ZNF74: variants seen among roughly 807,000 people sequenced by gnomAD.
ZNF74 encodes the protein zinc finger protein 74.
Under a neutral mutation model 17.7 loss-of-function variants are expected in ZNF74, and 12 were observed. The observed-to-expected ratio is 0.68, with a 90% confidence interval of 0.43 to 1.10. ZNF74 has a LOEUF of 1.10. Among genes scored for constraint, ZNF74 ranks in the 50% least tolerant of loss-of-function variants. The probability of loss-of-function intolerance (pLI) is 0.00; values close to 1 mark genes in which losing one functional copy is unlikely to be tolerated. For missense variants in ZNF74, 811 were observed against 881.0 expected, an observed-to-expected ratio of 0.92 and a Z score of 1.01; for synonymous variants, 358 against 362.1, an observed-to-expected ratio of 0.99 and a Z score of 0.13.
rs2052360339 is a variant in ZNF74 at position 20,401,759 on chromosome 22, C to CCAGCGT, written c.343+397_343+402dup. ...GTCAGCATGAGCATCAGCATCAGGG[C>CCAGCGT]CAGCGTCAGCGTCAGGGTCAGAGCC... On this transcript the variant is annotated intron_variant, in intron 4 of 4. Coordinates refer to ENST00000400451, the MANE Select transcript of ZNF74 (RefSeq NM_003426.4). The surrounding 1 kb of genome is among the most constrained non-coding windows in gnomAD (Gnocchi z 4.2). 6.6e-6 allele frequency among the ~76,000 whole-genome samples: 1 copy of CCAGCGT among 152,048 alleles called. No individual in the cohort carries two copies. Among genetic ancestry groups the CCAGCGT allele is most frequent in the Non-Finnish European group, 1.5e-5 (1 of 68,022 alleles).
chr22:20,400,506 CT>C, intron 2 of ZNF74, 125 bp from the exon 3 acceptor site: 2 of 1,195,258 alleles, frequency 1.7e-6, no homozygotes, highest in African/African-American at 3.0e-5. Flanking sequence ...ACAGCACAAC[CT>C]TCTGGCATGG....
At chr22:20,404,538 G>A (rs997800228) in intron 4 of ZNF74, among the ~76,000 whole-genome samples, 7 of 152,022 alleles carry the variant, frequency 4.6e-5, no homozygotes, top group Non-Finnish European at 7.4e-5. Flanking sequence ...TACCCAGGCT[G>A]GTCTTGATCT....
chr22:20,395,399 T>C lies in ZNF74; in HGVS notation c.101T>C (p.Leu34Pro). ...ENLEDISGWGLPEARSKESVS... is the reference protein window; with the variant it reads ...ENLEDISGWGPPEARSKESVS... ...CTCGAGGATATATCGGGTTGGGGTC[T>C]TCCCGAAGCCAGGTCCAAGGTGAGT... The change falls in exon 2 of 5, where the codon CTT becomes CCT. Residue 34 changes from leucine (L) to proline (P), a missense_variant. Transcript: ENST00000400451. The C allele has an allele frequency of 1.2e-6, 2 of 1,605,994 alleles. No homozygotes were observed. The highest frequency in any genetic ancestry group is 2.7e-5 in the African/African-American group (2 of 74,948).
intron 2 of ZNF74, chr22:20,400,312 A>T: frequency 3.4e-6 from 1 of 292,384 alleles, no homozygotes; most frequent in Non-Finnish European, 6.5e-6. Context: ...ATAGCATCTC[A>T]CCCAGGACTT....
rs1290513119 is a variant in ZNF74, at chr22:20,407,511, T to TCACAG, written c.*547_*551dup. The TCACAG allele has an allele frequency of 6.3e-6, 1 of 158,606 alleles. No individual in the cohort carries two copies. The highest frequency in any genetic ancestry group is 1.4e-5 in the Non-Finnish European group (1 of 71,916). The allele number at this position is 158,606 out of a possible 1,614,324, so 9.8% of individuals were successfully genotyped here. On this transcript the variant is annotated 3_prime_UTR_variant, in exon 5 of 5. Coordinates refer to ENST00000400451, the MANE Select transcript of ZNF74 (RefSeq NM_003426.4). Reference sequence around the variant, plus strand: ...GGTCAAGGCTGCAGTGAGCCATGATTCACAGCACTGCACTGCAGCCTGGGT... The same window carrying TCACAG: ...GGTCAAGGCTGCAGTGAGCCATGATTCACAGCACAGCACTGCACTGCAGCCTGGGT...
chr22:20,400,401 T>TG, intron 2 of ZNF74: 1 of 535,124 alleles, frequency 1.9e-6, no homozygotes, highest in Non-Finnish European at 3.4e-6. Context: ...TATTCAGACC[T>TG]GCTTTCCCAA....
intron 4 of ZNF74, 71 bp from the exon 5 acceptor site, chr22:20,405,306 C>T (rs2146100778): frequency 6.7e-7 from 1 of 1,484,750 alleles, no homozygotes; most frequent in Non-Finnish European, 9.1e-7. Flanking sequence ...CATCTCCAGG[C>T]CAATTCTCAA....
chr22:20,402,348 A>C (rs1464882407), intron 4 of ZNF74, among the ~76,000 whole-genome samples: 1 of 152,176 alleles, frequency 6.6e-6, no homozygotes, highest in African/African-American at 2.4e-5. Flanking sequence ...GTTTCAAAAA[A>C]TTCATATTTT....
rs1369953834 is a variant in ZNF74 at position 20,407,119 on chromosome 22, TC to T, written c.*153del. ...CATCAGGTCTGCATGCCAGGGTGCCTCCTCTAGTTAAAGTCAGTCACCTCCC... is the reference window on the plus strand; with the variant it reads ...CATCAGGTCTGCATGCCAGGGTGCCTCTCTAGTTAAAGTCAGTCACCTCCC... On this transcript the variant is annotated 3_prime_UTR_variant, in exon 5 of 5. Transcript: ENST00000400451. The T allele has an allele frequency of 7.8e-7, 1 of 1,289,452 alleles. No homozygotes were observed. Among genetic ancestry groups the T allele is most frequent in the African/African-American group, 1.5e-5 (1 of 66,610 alleles). The allele number at this position is 1,289,452 out of a possible 1,614,324, so 79.9% of individuals were successfully genotyped here.
chr22:20,405,492 A>C lies in ZNF74; in HGVS notation c.459A>C (p.Ala153=), dbSNP rs1461520938. 5 of 1,607,904 alleles carry C rather than the reference A, an allele frequency of 3.1e-6. No individual in the cohort carries two copies. The highest frequency in any genetic ancestry group is 4.2e-6 in the Non-Finnish European group (5 of 1,177,966). Reference sequence around the variant, plus strand: ...GGGCGCAGGCGTGGGGGCGCCAGGCAGGTGCTCTGCAGAGGAGTCAGGCTG... The same window carrying C: ...GGGCGCAGGCGTGGGGGCGCCAGGCCGGTGCTCTGCAGAGGAGTCAGGCTG... ...LGGAQAWGRQ[A]GALQRSQAAP... The change falls in exon 5 of 5, where the codon GCA becomes GCC. Residue 153 remains alanine, a synonymous_variant. Transcript: ENST00000400451.
chr22:20,401,346 G>C lies in ZNF74; in HGVS notation c.317G>C (p.Arg106Thr), dbSNP rs995625696. Residue 106 changes from arginine (R) to threonine (T), a missense_variant, in exon 4 of 5, where the codon AGG (arginine) becomes ACG (threonine). Coordinates refer to ENST00000400451, the MANE Select transcript of ZNF74 (RefSeq NM_003426.4). The surrounding 1 kb of genome is among the most constrained non-coding windows in gnomAD (Gnocchi z 4.2). The part of the protein sequence containing the change: ...ERGEEPWSMQ[R>T]EVPRGPCPEW... ...GGCGAGGAGCCATGGAGCATGCAGA[G>C]GGAAGTCCCCAGAGGGCCCTGTCCA... 1.9e-6 allele frequency: 3 copies of C among 1,609,936 alleles called. No homozygotes were observed. The highest frequency in any genetic ancestry group is 1.1e-5 in the South Asian group (1 of 89,964).
rs373813994 is a variant in ZNF74 at position 20,406,120 on chromosome 22, G to C, written c.1087G>C (p.Gly363Arg). 1 of 1,612,590 alleles carries C rather than the reference G, an allele frequency of 6.2e-7. No individual in the cohort carries two copies. ...VHTGEKPYRC[G>R]ECGKAFNQRT... Reference sequence around the variant, plus strand: ...CACCGGCGAGAAGCCCTACCGGTGCGGCGAGTGCGGCAAGGCCTTCAACCA... The same window carrying C: ...CACCGGCGAGAAGCCCTACCGGTGCCGCGAGTGCGGCAAGGCCTTCAACCA... Residue 363 changes from glycine (G) to arginine (R), a missense_variant, in exon 5 of 5, where the codon GGC becomes CGC. Around this residue, in one of 3 missense-constraint regions of ZNF74, gnomAD observed 666 missense variants for 702.3 expected, o/e 0.95. Transcript: ENST00000400451.
chr22:20,405,611 A>AG lies in ZNF74; in HGVS notation c.584dup (p.Pro196ThrfsTer13), dbSNP rs766509660. 2.5e-6 allele frequency: 4 copies of AG among 1,613,252 alleles called. No individual in the cohort carries two copies. Among genetic ancestry groups the AG allele is most frequent in the Admixed American group, 1.7e-5 (1 of 59,942 alleles). On this transcript the variant is annotated frameshift_variant, in exon 5 of 5. Transcript: ENST00000400451. LOFTEE classifies it low-confidence loss of function (END_TRUNC). The stretch of plus-strand genomic sequence containing the variant: ...CTCTTCGCCCAGCAACGCGTTCCCG[A>AG]GGGGGGACCCTTGCTGGACACACGC...
chr22:20,398,266 G>A (rs887645374), intron 2 of ZNF74, among the ~76,000 whole-genome samples: 4 of 149,628 alleles, frequency 2.7e-5, no homozygotes, highest in Admixed American at 1.3e-4. Flanking sequence ...GCAGTGAGCT[G>A]AGATTGCACC....
chr22:20,404,833 G>C (rs893959566), intron 4 of ZNF74, among the ~76,000 whole-genome samples: 2 of 152,146 alleles, frequency 1.3e-5, no homozygotes, highest in Admixed American at 1.3e-4. Context: ...CTAGCTACTC[G>C]GGAGGCTGAG....
chr22:20,405,768 G>GGGCGAGTTCGTGTGC lies in ZNF74; in HGVS notation c.743_757dup (p.Phe248_Glu252dup). 1 of 1,608,378 alleles carries GGGCGAGTTCGTGTGC rather than the reference G, an allele frequency of 6.2e-7. No homozygotes were observed. The highest frequency in any genetic ancestry group is 8.5e-7 in the Non-Finnish European group (1 of 1,177,870). On this transcript the variant is annotated inframe_insertion, in exon 5 of 5. Coordinates refer to ENST00000400451, the MANE Select transcript of ZNF74 (RefSeq NM_003426.4). ...GGCAGCGCGGGGCGGGCGCCGGGGA[G>GGGCGAGTTCGTGTGC]GGCGAGTTCGTGTGCGGCGAGTGCG...
chr22:20,401,744 G>A lies in ZNF74; in HGVS notation c.343+372G>A, dbSNP rs1385435995. Among the ~76,000 whole-genome samples the A allele has an allele frequency of 6.6e-6, 1 of 152,180 alleles. No individual in the cohort carries two copies. The highest frequency in any genetic ancestry group is 6.5e-5 in the Admixed American group (1 of 15,278). ...TTGGTCAGTGTCAGGGTCAGCATGA[G>A]CATCAGCATCAGGGCCAGCGTCAGC... On this transcript the variant is annotated intron_variant, in intron 4 of 4. Transcript: ENST00000400451. The surrounding 1 kb of genome is among the most constrained non-coding windows in gnomAD (Gnocchi z 4.2).
Position 20,401,295 on chromosome 22 carries a change from C to T in ZNF74, c.266C>T (p.Pro89Leu), listed in dbSNP as rs1311436168. The T allele has an allele frequency of 6.2e-7, 1 of 1,611,694 alleles. No individual in the cohort carries two copies. Among genetic ancestry groups the T allele is most frequent in the African/African-American group, 1.3e-5 (1 of 74,964 alleles). Residue 89 changes from proline (P) to leucine (L), a missense_variant, in exon 4 of 5, where the codon CCA becomes CTA. This residue lies in a region of ZNF74 where 666 missense variants were observed against 702.3 expected (regional missense o/e 0.95). Transcript: ENST00000400451. The surrounding 1 kb of genome is among the most constrained non-coding windows in gnomAD (Gnocchi z 4.2). Reference protein sequence around the residue: ...LLALGPPLHKPDVISHLERGE... With the variant: ...LLALGPPLHKLDVISHLERGE... ...CGAGCAGGACCTCCACTGCACAAGCCAGATGTGATCTCTCATCTGGAACGA... is the reference window on the plus strand; with the variant it reads ...CGAGCAGGACCTCCACTGCACAAGCTAGATGTGATCTCTCATCTGGAACGA...
intron 2 of ZNF74, among the ~76,000 whole-genome samples, chr22:20,395,898 C>T (rs1335865829): frequency 1.3e-5 from 2 of 152,086 alleles, no homozygotes; most frequent in Admixed American, 6.6e-5. Context: ...TCCCTGTGTG[C>T]TTTCCTCTGT....
Sources: gnomAD v4.1 joint callset for allele counts (sites outside exome capture counted in the v4.1 genomes callset) on GRCh38, gnomAD v4.1.1 for gene constraint, gnomAD v4.1.1 regional missense constraint, Gnocchi (gnomAD v3.1) non-coding constraint, MANE v1.5 for transcripts, NCBI Gene and HGNC (gene_info 2026-07-23, HGNC 2026-07-21) for gene names.